ENAM: variants seen among roughly 807,000 people sequenced by gnomAD.
The protein encoded by ENAM is enamelin.
A neutral mutation model predicts 33.6 loss-of-function variants in ENAM; 21 were observed. The ratio of observed to expected loss-of-function variants is 0.63; its 90% CI spans 0.44 to 0.90. ENAM has a LOEUF of 0.90. ENAM is among the 40% of genes least tolerant of loss of function. ENAM has a pLI of 0.00. For synonymous variants in ENAM, 473 were observed against 468.4 expected, an observed-to-expected ratio of 1.01 and a Z score of -0.13; for missense variants, 1,388 against 1,366.9, an observed-to-expected ratio of 1.02 and a Z score of -0.24.
chr4:70,641,723 G>A (rs1198599511), intron 8 of ENAM, among the ~76,000 whole-genome samples: 1 of 152,016 alleles, frequency 6.6e-6, no homozygotes, highest in Non-Finnish European at 1.5e-5. Flanking sequence ...TTAGGAGGAT[G>A]GAGGATGAAA....
In ENAM at chr4:70,644,774, T is replaced by C; in HGVS notation, c.3348T>C (p.Asp1116=). 1 of 1,614,136 alleles carries C rather than the reference T, an allele frequency of 6.2e-7. No homozygotes were observed. The highest frequency in any genetic ancestry group is 8.5e-7 in the Non-Finnish European group (1 of 1,179,976). The stretch of plus-strand genomic sequence containing the variant: ...TAAATGTAGACCCACTTGATGCAGA[T>C]GAACACAGTCCATTTGAATTCCTTC... ...KSINVDPLDA[D]EHSPFEFLQR... The change falls in exon 9 of 9, where the codon GAT becomes GAC. Residue 1116 remains aspartate, a synonymous_variant. Transcript: ENST00000396073.
At position 70,643,005 on chromosome 4, in the gene ENAM, A is replaced by G; in HGVS notation, c.1579A>G (p.Met527Val). Residue 527 changes from methionine (M) to valine (V), a missense_variant, in exon 9 of 9, where the codon ATG (methionine) becomes GTG (valine). Coordinates refer to ENST00000396073, the MANE Select transcript of ENAM (RefSeq NM_031889.3). ...PKGIVLGSRR[M>V]PYESETNQSE... ...AGGGATTGTTTTAGGGTCAAGAAGG[A>G]TGCCATATGAATCAGAAACTAATCA... 6.2e-7 allele frequency: 1 copy of G among 1,614,166 alleles called. No individual in the cohort carries two copies. The highest frequency in any genetic ancestry group is 8.5e-7 in the Non-Finnish European group (1 of 1,180,030).
intron 2 of ENAM, among the ~76,000 whole-genome samples, chr4:70,630,954 C>T (rs1044020919): frequency 1.3e-5 from 2 of 152,058 alleles, no homozygotes; most frequent in Admixed American, 6.6e-5. Context: ...GTTGGCTCAG[C>T]TGGTCTCAAG....
intron 8 of ENAM, among the ~76,000 whole-genome samples, chr4:70,640,397 G>T (rs926073377): frequency 6.6e-6 from 1 of 152,188 alleles, no homozygotes; most frequent in African/African-American, 2.4e-5. Context: ...AGGAATAAAT[G>T]TGTCAATGGA....
intron 4 of ENAM, among the ~76,000 whole-genome samples, chr4:70,632,412 A>C (rs1157886752): frequency 6.6e-6 from 1 of 152,078 alleles, no homozygotes; most frequent in African/African-American, 2.4e-5. Context: ...GATTATTCTC[A>C]AAATAAAATT....
Position 70,644,441 on chromosome 4 carries a change from C to T in ENAM, c.3015C>T (p.Asn1005=). 6.2e-7 allele frequency: 1 copy of T among 1,614,136 alleles called. No individual in the cohort carries two copies. ...TTCTGGAACAAGTTTTTGAAGACAA[C>T]CAGCTCAATGAAAGAACTGTTGACC... ...NNILEQVFED[N]QLNERTVDLT... Residue 1005 remains asparagine, a synonymous_variant, in exon 9 of 9, where the codon AAC becomes AAT. Transcript: ENST00000396073.
In ENAM at chr4:70,644,439, A is replaced by C. The variant is rs762513011; in HGVS notation, c.3013A>C (p.Asn1005His). 6.2e-7 allele frequency: 1 copy of C among 1,614,228 alleles called. No individual in the cohort carries two copies. Among genetic ancestry groups the C allele is most frequent in the Non-Finnish European group, 8.5e-7 (1 of 1,180,036 alleles). ...CATTCTGGAACAAGTTTTTGAAGAC[A>C]ACCAGCTCAATGAAAGAACTGTTGA... ...NNILEQVFED[N>H]QLNERTVDLT... Residue 1005 changes from asparagine (N) to histidine (H), a missense_variant, in exon 9 of 9, where the codon AAC (asparagine) becomes CAC (histidine). By Grantham distance (68) the Asn-to-His change is moderately conservative. Transcript: ENST00000396073.
In ENAM at chr4:70,644,420, G is replaced by C. The variant is rs148122591; in HGVS notation, c.2994G>C (p.Leu998=). The change falls in exon 9 of 9, where the codon CTG becomes CTC. Residue 998 remains leucine, a synonymous_variant. Transcript: ENST00000396073. ...NDLGGDGNNI[L]EQVFEDNQLN... ...TTGGAGGAGATGGGAACAACATTCT[G>C]GAACAAGTTTTTGAAGACAACCAGC... 1 of 1,614,150 alleles carries C rather than the reference G, an allele frequency of 6.2e-7. No individual in the cohort carries two copies. Among genetic ancestry groups the C allele is most frequent in the Non-Finnish European group, 8.5e-7 (1 of 1,180,020 alleles).
At position 70,642,700 on chromosome 4, in the gene ENAM, G is replaced by A; in HGVS notation, c.1274G>A (p.Gly425Asp). The A allele has an allele frequency of 6.2e-7, 1 of 1,607,188 alleles. No homozygotes were observed. Among genetic ancestry groups the A allele is most frequent in the Non-Finnish European group, 8.5e-7 (1 of 1,177,518 alleles). The change falls in exon 9 of 9, where the codon GGC (glycine) becomes GAC (aspartate). Residue 425 changes from glycine to aspartate, a missense_variant. Transcript: ENST00000396073. Reference sequence around the variant, plus strand: ...GTTGCCCCACTGGGTCCCAAACCTGGCCCTGTTGTTCGCAATGAAAAAATC... The same window carrying A: ...GTTGCCCCACTGGGTCCCAAACCTGACCCTGTTGTTCGCAATGAAAAAATC... Reference protein sequence around the residue: ...TTVAPLGPKPGPVVRNEKIQN... With the variant: ...TTVAPLGPKPDPVVRNEKIQN...
Position 70,643,725 on chromosome 4 carries a change from G to T in ENAM, c.2299G>T (p.Asp767Tyr). 6.2e-7 allele frequency: 1 copy of T among 1,614,118 alleles called. No individual in the cohort carries two copies. Among genetic ancestry groups the T allele is most frequent in the Non-Finnish European group, 8.5e-7 (1 of 1,180,016 alleles). Reference protein sequence around the residue: ...STLFPSRNSWDHRIQAQGQRE... With the variant: ...STLFPSRNSWYHRIQAQGQRE... ...TCTATTTCCTTCACGGAATTCCTGG[G>T]ACCACAGGATACAAGCCCAAGGGCA... Residue 767 changes from aspartate (D) to tyrosine (Y), a missense_variant, in exon 9 of 9, where the codon GAC (aspartate) becomes TAC (tyrosine). By Grantham distance (160) the Asp-to-Tyr change is radical (BLOSUM62 -3). Coordinates refer to ENST00000396073, the MANE Select transcript of ENAM (RefSeq NM_031889.3).
rs1297836179 is a variant in ENAM, at chr4:70,642,609, G to T, written c.1183G>T (p.Ala395Ser). ...TTCAAGAGGCAATTATCCCAATTAT[G>T]CAGGAAATCCAGCAAATCTCAGAAG... ...PTSRGNYPNY[A>S]GNPANLRRKP... The change falls in exon 9 of 9, where the codon GCA (alanine) becomes TCA (serine). Residue 395 changes from alanine (A) to serine (S), a missense_variant. By Grantham distance (99) the Ala-to-Ser change is moderately conservative. Coordinates refer to ENST00000396073, the MANE Select transcript of ENAM (RefSeq NM_031889.3). The T allele has an allele frequency of 1.9e-6, 3 of 1,614,050 alleles. No individual in the cohort carries two copies. The South Asian group carries it at 3.3e-5, about 18-fold the overall frequency.
In ENAM at chr4:70,634,480, C is replaced by T; in HGVS notation, c.383C>T (p.Thr128Ile). 1 of 1,614,118 alleles carries T rather than the reference C, an allele frequency of 6.2e-7. No individual in the cohort carries two copies. Among genetic ancestry groups the T allele is most frequent in the Non-Finnish European group, 8.5e-7 (1 of 1,180,006 alleles). ...CAAGAAACCCAGAAACCCAACCAGA[C>T]TCAGTCAAAAAAGCCACCACAAAAG... ...QTQETQKPNQ[T>I]QSKKPPQKRP... Residue 128 changes from threonine to isoleucine, a missense_variant, in exon 6 of 9, where the codon ACT becomes ATT. Coordinates refer to ENST00000396073, the MANE Select transcript of ENAM (RefSeq NM_031889.3).
At chr4:70,629,396 G>A in intron 1 of ENAM, 45 bp from the exon 2 acceptor site, 1 of 874,126 alleles carries the variant, frequency 1.1e-6, no homozygotes, top group East Asian at 2.4e-5. Flanking sequence ...TAGAACTGAA[G>A]CTTTGCTATT....
At chr4:70,629,262 G>A (rs1269069634) in intron 1 of ENAM, among the ~76,000 whole-genome samples, 179 bp from the exon 2 acceptor site, 1 of 152,070 alleles carries the variant, frequency 6.6e-6, no homozygotes, top group African/African-American at 2.4e-5. Flanking sequence ...TACAGTGCCT[G>A]TGTCATTTCC....
intron 8 of ENAM, among the ~76,000 whole-genome samples, chr4:70,640,714 A>G (rs1166877913): frequency 6.6e-6 from 1 of 152,170 alleles, no homozygotes; most frequent in Non-Finnish European, 1.5e-5. Context: ...TTACAAATGA[A>G]TAAACCAAGG....
chr4:70,635,922 T>C, intron 7 of ENAM, 28 bp downstream of exon 7: 1 of 1,269,114 alleles, frequency 7.9e-7, no homozygotes, highest in Non-Finnish European at 1.1e-6. Flanking sequence ...CTTTACACTG[T>C]AAGTGAAAAA....
chr4:70,642,774 C>T lies in ENAM; in HGVS notation c.1348C>T (p.Pro450Ser), dbSNP rs180899807. ...GGGTCCAAAAGAACAAATAATAGTT[C>T]CTACAAAGAATCCAACCAGCCCCTG... The part of the protein sequence containing the change: ...PLGPKEQIIV[P>S]TKNPTSPWRN... Residue 450 changes from proline (P) to serine (S), a missense_variant, in exon 9 of 9, where the codon CCT becomes TCT. By Grantham distance (74) the Pro-to-Ser change is moderately conservative. Coordinates refer to ENST00000396073, the MANE Select transcript of ENAM (RefSeq NM_031889.3). The T allele has an allele frequency of 1.7e-5, 28 of 1,613,030 alleles. No homozygotes were observed. In the East Asian group the frequency reaches 6.2e-4, roughly 36 times the overall value.
rs1553887834 is a variant in ENAM, at chr4:70,635,902, A to T, written c.534+8A>T. The T allele has an allele frequency of 7.0e-6, 11 of 1,562,416 alleles. No homozygotes were observed. The highest frequency in any genetic ancestry group is 1.4e-5 in the African/African-American group (1 of 73,692). On this transcript the variant is annotated splice_region_variant and intron_variant, in intron 7 of 8. Transcript: ENST00000396073. ...CCATGGCAAATTCCACAGGTGAGAA[A>T]TTTTTTTTTCTTTACACTGTAAGTG...
chr4:70,636,896 C>A (rs1011072690), intron 7 of ENAM, among the ~76,000 whole-genome samples: 5 of 151,968 alleles, frequency 3.3e-5, no homozygotes, highest in African/African-American at 1.2e-4. Flanking sequence ...ATACGAATGG[C>A]AAAATAAACT....
Sources: gnomAD v4.1 joint callset for allele counts (sites outside exome capture counted in the v4.1 genomes callset) on GRCh38, gnomAD v4.1.1 for gene constraint, MANE v1.5 for transcripts, NCBI Gene and HGNC (gene_info 2026-07-23, HGNC 2026-07-21) for gene names.